The following MAP4 variants were observed in gnomAD, a reference collection of about 807,000 sequenced individuals.
MAP4 encodes microtubule associated protein 4, also known as microtubule-associated protein 4.
MAP4 carries 76 observed loss-of-function variants against 170.2 expected under a neutral mutation model. That is an observed-to-expected ratio of 0.45 (90% CI 0.37 to 0.54). The LOEUF (loss-of-function observed/expected upper bound fraction) is 0.54, where lower values mean the gene tolerates loss of function less well. MAP4 is among the 20% of genes least tolerant of loss of function. The probability of loss-of-function intolerance (pLI) is 0.00; values close to 1 mark genes in which losing one functional copy is unlikely to be tolerated. For missense variants in MAP4, 2,506 were observed against 2,748.0 expected (o/e 0.91, Z 1.97); for synonymous variants, 909 against 994.5 (o/e 0.91, Z 1.62).
rs2149315692 is a variant in MAP4 at position 47,851,336 on chromosome 3, C to T, written c.*1598G>A. On this transcript the variant is annotated 3_prime_UTR_variant, in exon 21 of 21. Coordinates refer to ENST00000683076, the MANE Select transcript of MAP4 (RefSeq NM_001385682.1). ...ACTGCTACCTCAGAAAGGGGGAGGACCTGTCAGGCCCAGGACAGCCTCCCT... is the reference window on the plus strand; with the variant it reads ...ACTGCTACCTCAGAAAGGGGGAGGATCTGTCAGGCCCAGGACAGCCTCCCT... 6.6e-6 allele frequency: 1 copy of T among 152,348 alleles called. No homozygotes were observed. The highest frequency in any genetic ancestry group is 1.9e-4 in the East Asian group (1 of 5,186). The allele number at this position is 152,348 out of a possible 1,614,324, so 9.4% of individuals were successfully genotyped here.
At chr3:47,877,775 G>C (rs573125859) in intron 10 of MAP4, 1 of 254,124 alleles carries the variant, frequency 3.9e-6, no homozygotes, top group Non-Finnish European at 7.4e-6. Flanking sequence ...CAAATGATCA[G>C]TGGAAAAAAA....
At chr3:47,991,427 T>C (rs2100092132) in intron 2 of MAP4, among the ~76,000 whole-genome samples, 1 of 151,994 alleles carries the variant, frequency 6.6e-6, no homozygotes, top group Non-Finnish European at 1.5e-5. Context: ...TCCCAGTGCT[T>C]TGGGAGGCTA....
At chr3:47,959,020 AGTCAGTGGAACTT>A (rs2100069665) in intron 3 of MAP4, among the ~76,000 whole-genome samples, 1 of 152,080 alleles carries the variant, frequency 6.6e-6, no homozygotes, top group Non-Finnish European at 1.5e-5. Flanking sequence ...GTAACAAACT[AGTCAGTGGAACTT>A]TGTTTTCTGC....
chr3:47,914,212 T>C (rs1559437257), intron 8 of MAP4, among the ~76,000 whole-genome samples: 1 of 152,154 alleles, frequency 6.6e-6, no homozygotes, highest in Non-Finnish European at 1.5e-5. Flanking sequence ...CAGGATAGAA[T>C]AGTGAATAGC....
intron 1 of MAP4, among the ~76,000 whole-genome samples, chr3:48,022,365 G>A (rs1174877092): frequency 6.6e-6 from 1 of 152,074 alleles, no homozygotes; most frequent in East Asian, 1.9e-4. Flanking sequence ...CCAGGAATTT[G>A]AATACAGCCT....
intron 1 of MAP4, among the ~76,000 whole-genome samples, chr3:48,056,150 T>G: frequency 3.9e-5 from 5 of 128,032 alleles, no homozygotes; most frequent in Non-Finnish European, 5.0e-5. Context: ...AGCCGCCCCA[T>G]CCGGGAGGGA....
At chr3:48,088,260 G>C (rs1035497313) in intron 1 of MAP4, among the ~76,000 whole-genome samples, 3 of 151,736 alleles carry the variant, frequency 2.0e-5, no homozygotes, top group Admixed American at 6.6e-5. Flanking sequence ...CTTTGCAAGG[G>C]GGAAGAGCCC....
chr3:48,077,370 C>T (rs1188289500), intron 1 of MAP4, among the ~76,000 whole-genome samples: 5 of 150,304 alleles, frequency 3.3e-5, no homozygotes, highest in African/African-American at 7.4e-5. Flanking sequence ...CACTTGAACC[C>T]GGGAGGCGGA....
chr3:47,858,367 C>T (rs982666528), intron 17 of MAP4, among the ~76,000 whole-genome samples: 2 of 152,126 alleles, frequency 1.3e-5, no homozygotes, highest in African/African-American at 4.8e-5. Flanking sequence ...CATTTCCACA[C>T]CCCACAGGTC....
At chr3:47,938,189 T>C (rs2100054146) in intron 3 of MAP4, among the ~76,000 whole-genome samples, 1 of 151,066 alleles carries the variant, frequency 6.6e-6, no homozygotes. Flanking sequence ...CTGGCCAACA[T>C]GATGAAACGC....
intron 1 of MAP4, among the ~76,000 whole-genome samples, chr3:48,007,089 G>A (rs149468385): frequency 3.5e-4 from 53 of 152,292 alleles, no homozygotes; most frequent in Non-Finnish European, 6.8e-4. Context: ...TTTCGCTTCC[G>A]CAAGATATCA....
At chr3:48,058,454 C>T (rs549215360) in intron 1 of MAP4, among the ~76,000 whole-genome samples, 2 of 152,322 alleles carry the variant, frequency 1.3e-5, no homozygotes, top group Non-Finnish European at 2.9e-5. Context: ...TCTTACTCTA[C>T]GTGTCCAAGT....
chr3:47,920,974 G>A (rs2100042520), intron 5 of MAP4, among the ~76,000 whole-genome samples: 2 of 152,108 alleles, frequency 1.3e-5, no homozygotes, highest in African/African-American at 2.4e-5. Context: ...CCTGGGCAAC[G>A]TGACAAAACC....
intron 3 of MAP4, among the ~76,000 whole-genome samples, chr3:47,942,598 T>C (rs1315007611): frequency 6.6e-6 from 1 of 152,134 alleles, no homozygotes; most frequent in Non-Finnish European, 1.5e-5. Context: ...TTTGCTTTTT[T>C]CATGCACACA....
intron 17 of MAP4, among the ~76,000 whole-genome samples, chr3:47,864,457 A>G (rs1248035306): frequency 6.6e-6 from 1 of 152,060 alleles, no homozygotes; most frequent in African/African-American, 2.4e-5. Context: ...CGGGCGGATC[A>G]TGAGGTCAGG....
chr3:47,866,570 A>G (rs2080614725), intron 17 of MAP4, among the ~76,000 whole-genome samples: 1 of 151,520 alleles, frequency 6.6e-6, no homozygotes, highest in African/African-American at 2.4e-5. Context: ...CCTGGCCAAC[A>G]TAGTGAAATC....
chr3:47,910,194 G>A lies in MAP4; in HGVS notation c.4227C>T (p.Asp1409=), dbSNP rs746879980. ...DQGIEGMAYM[D]ENRNITFTCP... The stretch of plus-strand genomic sequence containing the variant: ...AGGTAAATGTAATATTTCTATTTTC[G>A]TCCATATAGGCCATTCCTTCAATTC... Residue 1409 remains aspartate (D), a synonymous_variant, in exon 9 of 21, where the codon GAC becomes GAT. Coordinates refer to ENST00000683076, the MANE Select transcript of MAP4 (RefSeq NM_001385682.1). 40 of 1,613,092 alleles carry A rather than the reference G, an allele frequency of 2.5e-5. No homozygotes were observed. Among genetic ancestry groups the A allele is most frequent in the South Asian group, 2.1e-4 (19 of 91,080 alleles).
intron 1 of MAP4, among the ~76,000 whole-genome samples, chr3:48,086,437 G>A (rs530755650): frequency 3.1e-4 from 47 of 152,318 alleles, no homozygotes; most frequent in African/African-American, 1.1e-3. Flanking sequence ...TCAGGAGTTT[G>A]AGACCAGTCT....
chr3:48,000,596 G>A (rs924673565), intron 1 of MAP4, among the ~76,000 whole-genome samples: 4 of 152,108 alleles, frequency 2.6e-5, no homozygotes, highest in African/African-American at 9.7e-5. Flanking sequence ...TTGACTACAC[G>A]CTGGAAGAAA....
Sources: gnomAD v4.1 joint callset for allele counts (sites outside exome capture counted in the v4.1 genomes callset) on GRCh38, gnomAD v4.1.1 for gene constraint, MANE v1.5 for transcripts, NCBI Gene and HGNC (gene_info 2026-07-23, HGNC 2026-07-21) for gene names.